Variants in VIPR1 observed in about 807,000 individuals in gnomAD.
The protein encoded by VIPR1 is vasoactive intestinal polypeptide receptor 1.
A neutral mutation model predicts 58.8 loss-of-function variants in VIPR1; 59 were observed. The observed-to-expected ratio is 1.00, with a 90% CI of 0.81 to 1.25. VIPR1 has a LOEUF of 1.25. Ranked by LOEUF, VIPR1 falls within the 50% of genes most tolerant of loss-of-function variation. The probability of loss-of-function intolerance (pLI) is 0.00; values close to 1 mark genes in which losing one functional copy is unlikely to be tolerated. For missense variants in VIPR1, 626 were observed against 602.7 expected, an observed-to-expected ratio of 1.04 and a Z score of -0.40; for synonymous variants, 251 against 242.1, an observed-to-expected ratio of 1.04 and a Z score of -0.34.
chr3:42,492,874 C>T (rs72861301), intron 1 of VIPR1, among the ~76,000 whole-genome samples: 4,749 of 152,308 alleles, frequency 0.031, 229 homozygotes, highest in African/African-American at 0.11. Context: ...CCCCACCAAA[C>T]CCTCAGTCCC....
At position 42,531,460 on chromosome 3, in the gene VIPR1, G is replaced by A. The variant is rs764116209; in HGVS notation, c.791-11G>A. On this transcript the variant is annotated splice_polypyrimidine_tract_variant and intron_variant, in intron 7 of 12. Coordinates refer to ENST00000325123, the MANE Select transcript of VIPR1 (RefSeq NM_004624.4). ...CCCTCTCTGCTCTTTCACTCTCCCT[G>A]GGCCTGACAGGGGTACCCAGCACAT... The A allele has an allele frequency of 6.4e-6, 10 of 1,571,786 alleles. No individual in the cohort carries two copies. In the East Asian group the frequency reaches 2.1e-4, roughly 33 times the overall value.
At chr3:42,532,738 T>TGA (rs2125678841) in intron 10 of VIPR1, 1 of 252,310 alleles carries the variant, frequency 4.0e-6, no homozygotes, top group South Asian at 6.9e-5. Context: ...AGTCCACCAA[T>TGA]GAGACAGCCA....
intron 1 of VIPR1, 29 bp downstream of exon 1, chr3:42,502,842 C>T: frequency 1.6e-6 from 2 of 1,248,690 alleles, no homozygotes; most frequent in Non-Finnish European, 2.0e-6. Context: ...GCCCAGAGTC[C>T]CGGCAGCCTG....
At chr3:42,518,081 G>A (rs985571612) in intron 2 of VIPR1, among the ~76,000 whole-genome samples, 1 of 151,712 alleles carries the variant, frequency 6.6e-6, no homozygotes, top group African/African-American at 2.4e-5. Flanking sequence ...TTCAGGACAC[G>A]TACCCATCCA....
chr3:42,502,697 G>C lies in VIPR1; in HGVS notation c.-39G>C. Reference sequence around the variant, plus strand: ...CTGGTGCGCCGCCCGCCAGCTCTTTGCCCGCGCGGGGCCGCCCGCCGCGGG... The same window carrying C: ...CTGGTGCGCCGCCCGCCAGCTCTTTCCCCGCGCGGGGCCGCCCGCCGCGGG... On this transcript the variant is annotated 5_prime_UTR_variant, in exon 1 of 13. Transcript: ENST00000325123. The C allele has an allele frequency of 7.9e-7, 1 of 1,273,792 alleles. No individual in the cohort carries two copies. The allele number at this position is 1,273,792 out of a possible 1,614,324, so 78.9% of individuals were successfully genotyped here.
At chr3:42,511,360 C>T (rs923825495) in intron 1 of VIPR1, among the ~76,000 whole-genome samples, 1 of 152,206 alleles carries the variant, frequency 6.6e-6, no homozygotes, top group African/African-American at 2.4e-5. Flanking sequence ...CAGGAGTGAG[C>T]CTCCTGGCTC....
rs1434362352 is a variant in VIPR1 at position 42,502,714 on chromosome 3, C to T, written c.-22C>T. On this transcript the variant is annotated 5_prime_UTR_variant, in exon 1 of 13. Coordinates refer to ENST00000325123, the MANE Select transcript of VIPR1 (RefSeq NM_004624.4). The stretch of plus-strand genomic sequence containing the variant: ...AGCTCTTTGCCCGCGCGGGGCCGCC[C>T]GCCGCGGGCTCAGGGCAGACCATGC... The T allele has an allele frequency of 6.2e-6, 8 of 1,287,822 alleles. No individual in the cohort carries two copies. Among genetic ancestry groups the T allele is most frequent in the Non-Finnish European group, 7.8e-6 (8 of 1,022,354 alleles). 79.8% of individuals were successfully genotyped at this position (1,287,822 alleles called of 1,614,324 possible).
intron 3 of VIPR1, among the ~76,000 whole-genome samples, 170 bp from the exon 4 acceptor site, chr3:42,525,717 C>T (rs1324225754): frequency 1.3e-5 from 2 of 152,212 alleles, no homozygotes; most frequent in Admixed American, 6.5e-5. Flanking sequence ...CTTCTCCCTG[C>T]CCCAGGTGCC....
At position 42,536,940 on chromosome 3, in the gene VIPR1, AC is replaced by A. The variant is rs374080212; in HGVS notation, c.*660del. The A allele has an allele frequency of 6.6e-6, 1 of 152,084 alleles. No individual in the cohort carries two copies. The highest frequency in any genetic ancestry group is 2.4e-5 in the African/African-American group (1 of 41,404). The allele number at this position is 152,084 out of a possible 1,614,324, so 9.4% of individuals were successfully genotyped here. On this transcript the variant is annotated 3_prime_UTR_variant, in exon 13 of 13. Transcript: ENST00000325123. ...GCCCCTGGGTCAGTCTGGTGGGAGGACGGTGCAACCCAAGGACTGAGGGACT... is the reference window on the plus strand; with the variant it reads ...GCCCCTGGGTCAGTCTGGTGGGAGGAGGTGCAACCCAAGGACTGAGGGACT...
At chr3:42,531,770 A>C in intron 8 of VIPR1, 33 bp from the exon 9 acceptor site, 1 of 1,613,772 alleles carries the variant, frequency 6.2e-7, no homozygotes, top group Non-Finnish European at 8.5e-7. Flanking sequence ...GGCTGAGGAC[A>C]ATCCCTCTCA....
At chr3:42,497,172 C>G (rs1699778890) in intron 1 of VIPR1, among the ~76,000 whole-genome samples, 1 of 152,148 alleles carries the variant, frequency 6.6e-6, no homozygotes, top group South Asian at 2.1e-4. Context: ...AGTCTGAGTT[C>G]TCCCTGGGCT....
chr3:42,516,167 G>A (rs1460959947), intron 2 of VIPR1, among the ~76,000 whole-genome samples: 2 of 152,170 alleles, frequency 1.3e-5, no homozygotes, highest in African/African-American at 4.8e-5. Flanking sequence ...GCTCTGGGTT[G>A]GGCTTTCCTG....
At chr3:42,505,086 T>A (rs1206405513) in intron 1 of VIPR1, among the ~76,000 whole-genome samples, 2 of 151,252 alleles carry the variant, frequency 1.3e-5, no homozygotes, top group Non-Finnish European at 2.9e-5. Flanking sequence ...GGGAGGAGGG[T>A]CACAGGCCTC....
intron 1 of VIPR1, among the ~76,000 whole-genome samples, chr3:42,510,212 A>C (rs1474747779): frequency 6.6e-6 from 1 of 152,112 alleles, no homozygotes; most frequent in Non-Finnish European, 1.5e-5. Context: ...ACGCTGCTCT[A>C]CTTTCTGGGG....
At chr3:42,529,877 G>T (rs1325350424) in intron 6 of VIPR1, 1 of 152,032 alleles carries the variant, frequency 6.6e-6, no homozygotes, top group Non-Finnish European at 1.5e-5. Flanking sequence ...CATGGTCCTC[G>T]TCTGCCTAAG....
rs972501011 is a variant in VIPR1 at position 42,535,022 on chromosome 3, A to G, written c.1058A>G (p.His353Arg). The G allele has an allele frequency of 6.2e-7, 1 of 1,614,188 alleles. No homozygotes were observed. The highest frequency in any genetic ancestry group is 8.5e-7 in the Non-Finnish European group (1 of 1,180,018). The change falls in exon 11 of 13, where the codon CAC becomes CGC. Residue 353 changes from histidine to arginine, a missense_variant. Coordinates refer to ENST00000325123, the MANE Select transcript of VIPR1 (RefSeq NM_004624.4). The part of the protein sequence containing the change: ...TLLLIPLFGV[H>R]YIMFAFFPDN... Reference sequence around the variant, plus strand: ...CTGCTGATCCCCCTGTTTGGAGTACACTACATCATGTTCGCCTTCTTTCCG... The same window carrying G: ...CTGCTGATCCCCCTGTTTGGAGTACGCTACATCATGTTCGCCTTCTTTCCG...
intron 12 of VIPR1, 66 bp downstream of exon 12, chr3:42,535,450 G>T (rs41289578): frequency 2.6e-6 from 4 of 1,551,462 alleles, no homozygotes; most frequent in Non-Finnish European, 3.6e-6. Flanking sequence ...CGGAAACATT[G>T]GTGGGATATG....
At chr3:42,516,164 G>T (rs1248815362) in intron 2 of VIPR1, among the ~76,000 whole-genome samples, 1 of 152,170 alleles carries the variant, frequency 6.6e-6, no homozygotes, top group South Asian at 2.1e-4. Flanking sequence ...CAAGCTCTGG[G>T]TTGGGCTTTC....
chr3:42,493,678 G>C (rs1337889482), intron 1 of VIPR1, among the ~76,000 whole-genome samples: 1 of 152,168 alleles, frequency 6.6e-6, no homozygotes, highest in Non-Finnish European at 1.5e-5. Flanking sequence ...AAAGGCCCCA[G>C]GTCAGAACCC....
Sources: gnomAD v4.1 joint callset for allele counts (sites outside exome capture counted in the v4.1 genomes callset) on GRCh38, gnomAD v4.1.1 for gene constraint, MANE v1.5 for transcripts, NCBI Gene and HGNC (gene_info 2026-07-23, HGNC 2026-07-21) for gene names.